The following TRPC5 variants were observed in gnomAD, a reference collection of about 807,000 sequenced individuals.
TRPC5 encodes transient receptor potential cation channel subfamily C member 5.
TRPC5 carries 9 observed loss-of-function variants against 56.5 expected under a neutral mutation model. The observed-to-expected ratio is 0.16, with a 90% CI of 0.10 to 0.28. TRPC5 has a LOEUF of 0.28. TRPC5 is among the 10% of genes least tolerant of loss of function. TRPC5 has a pLI of 1.00. For missense variants in TRPC5, 469 were observed against 748.9 expected (o/e 0.63, Z 4.36); for synonymous variants, 282 against 278.5 (o/e 1.01, Z -0.13).
intron 9 of TRPC5, among the ~76,000 whole-genome samples, 191 bp downstream of exon 9, chrX:111,780,974 C>T (rs920947839): frequency 1.8e-5 from 2 of 111,280 alleles, no homozygotes; most frequent in Admixed American, 9.6e-5. Flanking sequence ...GCATAAGGGC[C>T]ATGAACAGGA....
chrX:111,874,098 G>T (rs1273645687), intron 3 of TRPC5, among the ~76,000 whole-genome samples: 1 of 112,236 alleles, frequency 8.9e-6, no homozygotes, highest in Non-Finnish European at 1.9e-5. Flanking sequence ...CACCCCAAAT[G>T]TAGCCAGCTC....
At chrX:112,051,447 T>C (rs1930209966) in intron 1 of TRPC5, among the ~76,000 whole-genome samples, 1 of 111,397 alleles carries the variant, frequency 9.0e-6, no homozygotes, top group Non-Finnish European at 1.9e-5. Context: ...CCCCATCCAC[T>C]GTCTGCCTCA....
At chrX:112,042,324 G>A (rs1403269337) in intron 1 of TRPC5, among the ~76,000 whole-genome samples, 1 of 111,464 alleles carries the variant, frequency 9.0e-6, no homozygotes, top group Non-Finnish European at 1.9e-5. Flanking sequence ...TGAACATTTG[G>A]AGGAAAAATA....
At chrX:111,789,027 C>G (rs1481197811) in intron 7 of TRPC5, among the ~76,000 whole-genome samples, 1 of 111,995 alleles carries the variant, frequency 8.9e-6, no homozygotes, top group Non-Finnish European at 1.9e-5. Context: ...CCCCGTCAAG[C>G]TACCAATGAC....
chrX:111,805,646 ATATCTATC>A (rs758683447), intron 7 of TRPC5, among the ~76,000 whole-genome samples: 10 of 111,411 alleles, frequency 9.0e-5, no homozygotes, highest in Non-Finnish European at 1.3e-4. Context: ...TAAATTACAG[ATATCTATC>A]TATCTATCTA....
chrX:111,806,258 C>G (rs1921509872), intron 7 of TRPC5, among the ~76,000 whole-genome samples: 2 of 111,925 alleles, frequency 1.8e-5, no homozygotes, highest in Non-Finnish European at 3.8e-5. Context: ...ATCCCAGTTT[C>G]TGTGGGTCAG....
At chrX:111,819,021 G>T (rs1479928585) in intron 7 of TRPC5, among the ~76,000 whole-genome samples, 2 of 111,987 alleles carry the variant, frequency 1.8e-5, no homozygotes, top group African/African-American at 6.5e-5. Context: ...GTCTAAAGAT[G>T]TACAGCTAGA....
intron 1 of TRPC5, among the ~76,000 whole-genome samples, chrX:112,030,270 A>C (rs181567024): frequency 3.3e-4 from 37 of 112,802 alleles, no homozygotes; most frequent in Middle Eastern, 4.6e-3. Flanking sequence ...CATCTTGTGT[A>C]ATACATACAA....
At chrX:111,880,474 C>T (rs921987368) in intron 3 of TRPC5, among the ~76,000 whole-genome samples, 4 of 112,530 alleles carry the variant, frequency 3.6e-5, no homozygotes, top group African/African-American at 1.3e-4. Context: ...TGTCTGGGCA[C>T]TGTCCTGTGA....
In TRPC5 at chrX:111,768,015, A is replaced by G. The variant is rs1945823411; in HGVS notation, c.*8298T>C. 8.9e-6 allele frequency among the ~76,000 whole-genome samples: 1 copy of G among 111,809 alleles called. No individual in the cohort carries two copies. The highest frequency in any genetic ancestry group is 9.5e-5 in the Admixed American group (1 of 10,509). On this transcript the variant is annotated 3_prime_UTR_variant, in exon 11 of 11. Transcript: ENST00000262839. ...TAAAATCTGAGTTGTCACACATTTC[A>G]GGGGAAAAAAGTAAATACTTTATTT...
chrX:112,059,347 G>A (rs1930410910), intron 1 of TRPC5, among the ~76,000 whole-genome samples: 1 of 112,247 alleles, frequency 8.9e-6, no homozygotes. Flanking sequence ...ACAAGAAACT[G>A]TACATCTGAA....
intron 2 of TRPC5, among the ~76,000 whole-genome samples, chrX:111,914,563 T>G (rs1414790797): frequency 8.9e-6 from 1 of 111,792 alleles, no homozygotes; most frequent in African/African-American, 3.3e-5. Context: ...CCTGTTTCCT[T>G]CACTGAGTGC....
intron 7 of TRPC5, among the ~76,000 whole-genome samples, chrX:111,810,218 G>A (rs1921661063): frequency 9.0e-6 from 1 of 111,172 alleles, no homozygotes; most frequent in Non-Finnish European, 1.9e-5. Context: ...TGCCTCTTTT[G>A]CCATATTCTA....
chrX:112,059,299 G>T (rs1275631395), intron 1 of TRPC5, among the ~76,000 whole-genome samples: 1 of 111,735 alleles, frequency 8.9e-6, no homozygotes, highest in Admixed American at 9.5e-5. Flanking sequence ...TGTGTTTGGT[G>T]CTATTCTATG....
chrX:111,993,997 T>G (rs1383728756), intron 1 of TRPC5, among the ~76,000 whole-genome samples: 1 of 112,180 alleles, frequency 8.9e-6, no homozygotes, highest in East Asian at 2.8e-4. Flanking sequence ...TCCTGAATGG[T>G]ATTGCCTAGG....
At chrX:111,952,650 T>C (rs1603114972) in intron 1 of TRPC5, among the ~76,000 whole-genome samples, 2 of 111,131 alleles carry the variant, frequency 1.8e-5, no homozygotes, top group African/African-American at 6.6e-5. Context: ...TTTTATGACT[T>C]ACCAGTTCTG....
chrX:111,993,611 G>A (rs1484618225), intron 1 of TRPC5, among the ~76,000 whole-genome samples: 1 of 112,315 alleles, frequency 8.9e-6, no homozygotes, highest in Non-Finnish European at 1.9e-5. Flanking sequence ...GTGTGAGATT[G>A]TATCTCATTG....
chrX:111,854,253 T>A (rs1923162543), intron 3 of TRPC5, 147 bp from the exon 4 acceptor site: 1 of 534,711 alleles, frequency 1.9e-6, no homozygotes, highest in Admixed American at 3.9e-5. Flanking sequence ...TGCCTGTGAA[T>A]GCATCTAACC....
intron 2 of TRPC5, among the ~76,000 whole-genome samples, chrX:111,950,639 T>C (rs1313094802): frequency 8.9e-6 from 1 of 111,972 alleles, no homozygotes; most frequent in Non-Finnish European, 1.9e-5. Flanking sequence ...AAACACTACC[T>C]GCTCTGCAAT....
Sources: gnomAD v4.1 joint callset for allele counts (sites outside exome capture counted in the v4.1 genomes callset) on GRCh38, gnomAD v4.1.1 for gene constraint, MANE v1.5 for transcripts, NCBI Gene and HGNC (gene_info 2026-07-23, HGNC 2026-07-21) for gene names.